Variants in ANO4 observed in about 807,000 individuals in gnomAD.
ANO4 encodes anoctamin-4.
ANO4 carries 69 observed loss-of-function variants against 141.9 expected under a neutral mutation model. The ratio of observed to expected loss-of-function variants is 0.49; its 90% CI spans 0.40 to 0.59. ANO4 has a LOEUF of 0.59. Ranked by LOEUF, ANO4 falls within the 20% of genes least tolerant of loss-of-function variation. The pLI, the probability that ANO4 is intolerant of heterozygous loss-of-function variation, is 0.00. For synonymous variants in ANO4, 350 were observed against 394.3 expected, an observed-to-expected ratio of 0.89 and a Z score of 1.33; for missense variants, 894 against 1,162.2, an observed-to-expected ratio of 0.77 and a Z score of 3.36.
intron 16 of ANO4, 101 bp from the exon 17 acceptor site, chr12:101,086,559 G>C (rs2049508989): frequency 7.7e-7 from 1 of 1,305,370 alleles, no homozygotes; most frequent in South Asian, 1.3e-5. Flanking sequence ...TACTGCCATG[G>C]TGTTACTTCC....
chr12:100,932,933 C>G (rs757318441), intron 3 of ANO4, among the ~76,000 whole-genome samples: 2 of 152,094 alleles, frequency 1.3e-5, no homozygotes, highest in Non-Finnish European at 2.9e-5. Context: ...CTAATCTTTG[C>G]AATAGGGAAT....
intron 14 of ANO4, among the ~76,000 whole-genome samples, chr12:101,074,066 G>A (rs1005161735): frequency 2.6e-5 from 4 of 152,112 alleles, no homozygotes; most frequent in African/African-American, 9.7e-5. Context: ...TAGACAGGTT[G>A]TTTCATCTTC....
chr12:100,861,562 A>T (rs2038476034), intron 1 of ANO4, among the ~76,000 whole-genome samples: 1 of 152,210 alleles, frequency 6.6e-6, no homozygotes, highest in African/African-American at 2.4e-5. Context: ...TTGATGAATC[A>T]GTTTGTGAGT....
At chr12:100,915,468 T>C (rs1440959366) in intron 2 of ANO4, among the ~76,000 whole-genome samples, 1 of 152,176 alleles carries the variant, frequency 6.6e-6, no homozygotes, top group African/African-American at 2.4e-5. Context: ...ATATCATTTG[T>C]CCTCTTAAGT....
intron 2 of ANO4, among the ~76,000 whole-genome samples, chr12:100,905,118 T>C (rs2136042371): frequency 6.6e-6 from 1 of 152,240 alleles, no homozygotes; most frequent in Middle Eastern, 3.4e-3. Context: ...GAAGTTTGAT[T>C]ATAGATGTGA....
chr12:101,011,521 G>C (rs2046092421), intron 8 of ANO4, among the ~76,000 whole-genome samples: 1 of 151,990 alleles, frequency 6.6e-6, no homozygotes, highest in Non-Finnish European at 1.5e-5. Flanking sequence ...CAACTCCTCA[G>C]GTGTACACTC....
At chr12:100,865,030 A>G (rs1291749419) in intron 1 of ANO4, among the ~76,000 whole-genome samples, 1 of 152,210 alleles carries the variant, frequency 6.6e-6, no homozygotes, top group Non-Finnish European at 1.5e-5. Context: ...CCAGGCTATC[A>G]TTGATGGGCA....
At chr12:100,760,608 A>G (rs141753963) in intron 3 of ANO4, among the ~76,000 whole-genome samples, 14 of 152,296 alleles carry the variant, frequency 9.2e-5, no homozygotes, top group African/African-American at 3.1e-4. Context: ...GTGGATATAA[A>G]TGCTTTATGC....
chr12:100,988,333 G>A (rs2044823953), intron 8 of ANO4, among the ~76,000 whole-genome samples: 3 of 151,916 alleles, frequency 2.0e-5, no homozygotes, highest in Non-Finnish European at 4.4e-5. Flanking sequence ...ATGGCTGGAT[G>A]CAGGGCAGGG....
chr12:100,776,129 A>T (rs1216892313), intron 3 of ANO4, among the ~76,000 whole-genome samples: 2 of 152,218 alleles, frequency 1.3e-5, no homozygotes, highest in Non-Finnish European at 2.9e-5. Flanking sequence ...TCCCCGCTAC[A>T]CAGGAGGGGA....
At chr12:100,779,070 C>G (rs1284930550) in intron 3 of ANO4, among the ~76,000 whole-genome samples, 2 of 151,068 alleles carry the variant, frequency 1.3e-5, no homozygotes, top group Admixed American at 1.3e-4. Flanking sequence ...AAACAAAAAA[C>G]AAAAAAACAG....
At chr12:101,024,618 T>C (rs7133260) in intron 9 of ANO4, among the ~76,000 whole-genome samples, 50,373 of 151,674 alleles carry the variant, frequency 0.33, 8,613 homozygotes, top group Non-Finnish European at 0.38. Context: ...AGTTATCATG[T>C]GAGTCTCTTA....
chr12:100,796,269 A>G (rs1272863444), intron 1 of ANO4, among the ~76,000 whole-genome samples: 2 of 152,056 alleles, frequency 1.3e-5, no homozygotes, highest in Non-Finnish European at 2.9e-5. Flanking sequence ...ATACAATGTG[A>G]TTTTTTGTGA....
At chr12:100,750,251 C>A (rs747778146) in intron 3 of ANO4, among the ~76,000 whole-genome samples, 1 of 151,776 alleles carries the variant, frequency 6.6e-6, no homozygotes, top group South Asian at 2.1e-4. Flanking sequence ...TGTGCCTCAG[C>A]GTCCCAAGTA....
intron 1 of ANO4, among the ~76,000 whole-genome samples, chr12:100,801,830 C>T (rs956264903): frequency 6.6e-6 from 1 of 152,070 alleles, no homozygotes; most frequent in Non-Finnish European, 1.5e-5. Flanking sequence ...ATCAGGAACT[C>T]TAAATGCTGT....
At chr12:100,732,500 T>C (rs974452686) in intron 1 of ANO4, among the ~76,000 whole-genome samples, 1 of 152,226 alleles carries the variant, frequency 6.6e-6, no homozygotes, top group African/African-American at 2.4e-5. Context: ...TTTACAAATA[T>C]TTTCTCCCAG....
chr12:100,797,381 C>A (rs1020030644), intron 1 of ANO4, among the ~76,000 whole-genome samples: 1 of 149,626 alleles, frequency 6.7e-6, no homozygotes, highest in Non-Finnish European at 1.5e-5. Flanking sequence ...TTCAGCATTT[C>A]CTTGTCTCAC....
chr12:100,842,118 G>T (rs1447108645), intron 1 of ANO4: 2 of 131,946 alleles, frequency 1.5e-5, no homozygotes, highest in Non-Finnish European at 3.1e-5. Flanking sequence ...TTCATTTTCT[G>T]GCTCTGAGTA....
chr12:101,103,181 TTTTATATATATA>T (rs1243382880), intron 22 of ANO4, among the ~76,000 whole-genome samples: 1,929 of 90,616 alleles, frequency 0.021, 165 homozygotes, highest in African/African-American at 0.028. Context: ...TTTTTAGTCA[TTTTATATATATA>T]TATATATATA....
Sources: gnomAD v4.1 joint callset for allele counts (sites outside exome capture counted in the v4.1 genomes callset) on GRCh38, gnomAD v4.1.1 for gene constraint, MANE v1.5 for transcripts, NCBI Gene and HGNC (gene_info 2026-07-23, HGNC 2026-07-21) for gene names.